Variants in KAZN observed in about 807,000 individuals in gnomAD.
KAZN encodes the protein kazrin.
KAZN carries 40 observed loss-of-function variants against 87.4 expected under a neutral mutation model. The observed-to-expected ratio is 0.46, with a 90% CI of 0.36 to 0.60. KAZN has a LOEUF of 0.60. Ranked by LOEUF, KAZN falls within the 20% of genes least tolerant of loss-of-function variation. The pLI, the probability that KAZN is intolerant of heterozygous loss-of-function variation, is 0.00. For missense variants in KAZN, 898 were observed against 1,073.9 expected, an observed-to-expected ratio of 0.84 and a Z score of 2.29; for synonymous variants, 466 against 458.3, an observed-to-expected ratio of 1.02 and a Z score of -0.22.
At chr1:14,040,077 GC>G (rs1295738703) in intron 1 of KAZN, among the ~76,000 whole-genome samples, 329 of 137,164 alleles carry the variant, frequency 2.4e-3, no homozygotes, top group South Asian at 6.1e-3. Flanking sequence ...GTGTGTGTGT[GC>G]ACGTGTGTGT....
intron 2 of KAZN, among the ~76,000 whole-genome samples, chr1:14,388,002 G>C (rs1191201142): frequency 6.6e-6 from 1 of 152,240 alleles, no homozygotes; most frequent in East Asian, 1.9e-4. Context: ...CCAGGTGCGG[G>C]ATATAATCTC....
At chr1:14,481,341 A>T (rs1453694202) in intron 2 of KAZN, among the ~76,000 whole-genome samples, 2 of 152,186 alleles carry the variant, frequency 1.3e-5, no homozygotes, top group East Asian at 1.9e-4. Flanking sequence ...ATAAGCCCTC[A>T]GTAAGGTTAG....
At chr1:14,260,297 C>T (rs1398927988) in intron 2 of KAZN, among the ~76,000 whole-genome samples, 10 of 152,200 alleles carry the variant, frequency 6.6e-5, no homozygotes, top group Non-Finnish European at 1.5e-5. Flanking sequence ...GTAAAACCTG[C>T]GGAATGTCCG....
intron 1 of KAZN, among the ~76,000 whole-genome samples, chr1:14,772,538 A>G (rs75502738): frequency 4.0e-5 from 6 of 151,730 alleles, no homozygotes; most frequent in East Asian, 2.0e-4. Context: ...AAAAAAAAAA[A>G]AGAGACCCCT....
At chr1:14,823,738 T>C (rs1302144972) in intron 1 of KAZN, among the ~76,000 whole-genome samples, 2 of 152,048 alleles carry the variant, frequency 1.3e-5, no homozygotes, top group Admixed American at 1.3e-4. Flanking sequence ...TCCGCTCAGA[T>C]TGGAGGCTGG....
intron 1 of KAZN, among the ~76,000 whole-genome samples, chr1:14,039,097 G>A (rs557466048): frequency 6.6e-6 from 1 of 151,950 alleles, no homozygotes; most frequent in South Asian, 2.1e-4. Context: ...CTTGAACCAG[G>A]GAGTAGGAGG....
At chr1:14,512,054 C>T (rs896924691) in intron 2 of KAZN, among the ~76,000 whole-genome samples, 4 of 152,062 alleles carry the variant, frequency 2.6e-5, no homozygotes, top group African/African-American at 9.7e-5. Flanking sequence ...CTGCTGTTTT[C>T]CCTACTGGCA....
chr1:14,307,462 C>T (rs909571262), intron 2 of KAZN, among the ~76,000 whole-genome samples: 4 of 152,202 alleles, frequency 2.6e-5, no homozygotes, highest in Admixed American at 2.0e-4. Context: ...CATGTCTACA[C>T]CTATGCTACA....
chr1:14,492,745 A>G (rs964372980), intron 2 of KAZN, among the ~76,000 whole-genome samples: 2 of 146,656 alleles, frequency 1.4e-5, no homozygotes, highest in African/African-American at 2.5e-5. Context: ...CAGCACACAC[A>G]CCACATGTGC....
chr1:14,331,905 T>C (rs570372851), intron 2 of KAZN, among the ~76,000 whole-genome samples: 1 of 152,290 alleles, frequency 6.6e-6, no homozygotes, highest in East Asian at 1.9e-4. Flanking sequence ...AAAAAGAATA[T>C]CATGCTATAT....
At chr1:13,909,223 C>A (rs2100862340) in intron 1 of KAZN, among the ~76,000 whole-genome samples, 1 of 152,314 alleles carries the variant, frequency 6.6e-6, no homozygotes, top group Middle Eastern at 3.4e-3. Flanking sequence ...TAAGTACCAA[C>A]AATAGCAACA....
intron 2 of KAZN, among the ~76,000 whole-genome samples, chr1:14,201,114 C>CAGAG (rs1410668895): frequency 2.6e-5 from 4 of 152,200 alleles, no homozygotes; most frequent in African/African-American, 9.6e-5. Flanking sequence ...AGATGGCCTT[C>CAGAG]AGAGATCTGG....
rs776435787 is a variant in KAZN, at chr1:15,116,030, A to G, written c.*1395A>G. ...AGGGCTCAAGAAACATATAAATCCC[A>G]TGAGCACAGCCTTGAAAACCAGTTT... On this transcript the variant is annotated 3_prime_UTR_variant, in exon 15 of 15. Coordinates refer to ENST00000376030, the MANE Select transcript of KAZN (RefSeq NM_201628.3). The G allele has an allele frequency of 2.6e-5, 4 of 152,216 alleles. No homozygotes were observed. Among genetic ancestry groups the G allele is most frequent in the Non-Finnish European group, 4.4e-5 (3 of 68,030 alleles). 9.4% of individuals were successfully genotyped at this position (152,216 alleles called of 1,614,324 possible).
intron 7 of KAZN, among the ~76,000 whole-genome samples, chr1:15,065,319 T>C (rs1363031747): frequency 6.6e-6 from 1 of 152,178 alleles, no homozygotes; most frequent in Non-Finnish European, 1.5e-5. Context: ...TGAGCCACCG[T>C]GCCTGGCCTG....
intron 2 of KAZN, among the ~76,000 whole-genome samples, chr1:14,244,079 A>G (rs1649264074): frequency 6.6e-6 from 1 of 152,260 alleles, no homozygotes; most frequent in Non-Finnish European, 1.5e-5. Context: ...AAAAATTATC[A>G]TTAAACATCA....
Position 14,657,077 on chromosome 1 carries a change from C to CTTT in KAZN, c.226+57874_226+57876dup, listed in dbSNP as rs35046893. ...TCCTAGGGTGGGGTGAAGAGAGAGGCTTTTTTTTTTTTTTTTTTTTTTGAG... is the reference window on the plus strand; with the variant it reads ...TCCTAGGGTGGGGTGAAGAGAGAGGCTTTTTTTTTTTTTTTTTTTTTTTTTGAG... On this transcript the variant is annotated intron_variant, in intron 1 of 14. Transcript: ENST00000376030. 5.6e-3 allele frequency among the ~76,000 whole-genome samples: 465 copies of CTTT among 83,230 alleles called. 2 individuals are homozygous for CTTT. The highest frequency in any genetic ancestry group is 0.016 in the Middle Eastern group (2 of 124). The allele number at this position is 83,230 out of a possible 152,430, so 54.6% of individuals were successfully genotyped here. A position where few individuals can be genotyped will look rare whatever the true frequency, so the allele number is the denominator to read the frequency against.
At chr1:14,629,663 C>T (rs980732248) in intron 1 of KAZN, among the ~76,000 whole-genome samples, 3 of 152,194 alleles carry the variant, frequency 2.0e-5, no homozygotes, top group African/African-American at 7.2e-5. Flanking sequence ...TAGGTAGGAG[C>T]TCACTCTGTC....
intron 1 of KAZN, among the ~76,000 whole-genome samples, chr1:13,949,012 T>A (rs775615680): frequency 5.9e-5 from 9 of 152,172 alleles, no homozygotes; most frequent in Non-Finnish European, 8.8e-5. Context: ...GCATCCAGCA[T>A]GTACTCTGTG....
At chr1:14,435,215 G>T (rs1050882027) in intron 2 of KAZN, among the ~76,000 whole-genome samples, 1 of 152,158 alleles carries the variant, frequency 6.6e-6, no homozygotes, top group Non-Finnish European at 1.5e-5. Flanking sequence ...GCCCAGGTTG[G>T]CTGAACTCCA....
Sources: allele counts gnomAD v4.1 joint callset (sites outside exome capture counted in the v4.1 genomes callset), GRCh38; gene constraint gnomAD v4.1.1; transcripts MANE v1.5; gene names NCBI Gene and HGNC (gene_info 2026-07-23, HGNC 2026-07-21).